Variants in MAP3K9 observed in about 807,000 individuals in gnomAD.
MAP3K9 encodes mitogen-activated protein kinase kinase kinase 9, also known as mixed lineage kinase 1 (tyr and ser/thr specificity).
A neutral mutation model predicts 95.8 loss-of-function variants in MAP3K9; 46 were observed. The observed-to-expected ratio is 0.48, with a 90% CI of 0.38 to 0.61. MAP3K9 has a LOEUF of 0.61. Among genes scored for constraint, MAP3K9 ranks in the 20% least tolerant of loss-of-function variants. MAP3K9 has a pLI of 0.00. For missense variants in MAP3K9, 1,296 were observed against 1,474.3 expected (o/e 0.88, Z 1.98); for synonymous variants, 533 against 593.8 (o/e 0.90, Z 1.49).
chr14:70,730,692 C>T lies in MAP3K9; in HGVS notation c.3003G>A (p.Arg1001=). 1.2e-6 allele frequency: 2 copies of T among 1,613,758 alleles called. No individual in the cohort carries two copies. The highest frequency in any genetic ancestry group is 1.6e-4 in the Middle Eastern group (1 of 6,062). ...CAAACCACCAAGGGTCCAGCCGTTG[C>T]CGGTTGGCAGAAGGACGCGGCCGAG... ...FLPRPRPSAN[R]QRLDPWWFVS... is the part of the protein sequence containing the mutation. Residue 1001 remains arginine (R), a synonymous_variant, in exon 12 of 12, where the codon CGG becomes CGA. Transcript: ENST00000554752.
intron 2 of MAP3K9, among the ~76,000 whole-genome samples, chr14:70,764,531 T>TAA (rs918299925): frequency 6.9e-6 from 1 of 145,398 alleles, no homozygotes; most frequent in Non-Finnish European, 1.5e-5. Context: ...CCAGGCTCTT[T>TAA]AAAAAAAAAA....
At chr14:70,766,542 C>A (rs901841348) in intron 2 of MAP3K9, among the ~76,000 whole-genome samples, 1 of 152,178 alleles carries the variant, frequency 6.6e-6, no homozygotes, top group African/African-American at 2.4e-5. Context: ...AATAATGACA[C>A]CTACTCATTA....
Position 70,735,987 on chromosome 14 carries a change from T to A in MAP3K9, c.1887A>T (p.Pro629=). The change falls in exon 9 of 12, where the codon CCA becomes CCT. Residue 629 remains proline, a synonymous_variant. Transcript: ENST00000554752. ...RREKANGLST[P]SESPHFHLGL... ...CCAAGTGGAAATGTGGAGATTCTGA[T>A]GGGGTACTTAAACCATTAGCTTTCT... is the stretch of plus-strand genomic sequence containing the variant. 6.2e-7 allele frequency: 1 copy of A among 1,613,682 alleles called. No homozygotes were observed. The highest frequency in any genetic ancestry group is 1.3e-5 in the African/African-American group (1 of 75,016).
chr14:70,803,336 T>TCAA (rs1566771064), intron 1 of MAP3K9, among the ~76,000 whole-genome samples: 7 of 66,134 alleles, frequency 1.1e-4, no homozygotes, highest in African/African-American at 4.5e-4. Context: ...AATTCAGATC[T>TCAA]TAAAAAAAAA....
chr14:70,749,911 G>A, intron 4 of MAP3K9, 22 bp downstream of exon 4: 1 of 1,614,092 alleles, frequency 6.2e-7, no homozygotes, highest in Non-Finnish European at 8.5e-7. Context: ...CTCCAGTTTG[G>A]TTCAGGCCAG....
In MAP3K9 at chr14:70,743,827, C is replaced by T. The variant is rs145378328; in HGVS notation, c.1327-1236G>A. Among the ~76,000 whole-genome samples, 968 of 152,264 alleles carry T rather than the reference C, an allele frequency of 6.4e-3. 11 individuals carry two copies. Among genetic ancestry groups the T allele is most frequent in the African/African-American group, 0.021 (880 of 41,546 alleles). ...CCTCAAGGATCTAGAACTAGAAATA[C>T]CATTTGACCCAGCAATCCCATTACT... On this transcript the variant is annotated intron_variant, in intron 5 of 11. Transcript: ENST00000554752.
At chr14:70,747,504 T>C (rs552186783) in intron 5 of MAP3K9, among the ~76,000 whole-genome samples, 1 of 152,360 alleles carries the variant, frequency 6.6e-6, no homozygotes, top group East Asian at 1.9e-4. Flanking sequence ...GGTATGTCTT[T>C]ATTAGCAGCA....
At chr14:70,808,734 C>G (rs1218507000) in intron 1 of MAP3K9, 32 bp downstream of exon 1, 1 of 1,414,370 alleles carries the variant, frequency 7.1e-7, no homozygotes, top group Non-Finnish European at 9.3e-7. Context: ...TCCGTCATTC[C>G]CCCTCCCCGC....
intron 2 of MAP3K9, among the ~76,000 whole-genome samples, chr14:70,796,540 G>A (rs1003128441): frequency 2.6e-5 from 4 of 152,142 alleles, no homozygotes; most frequent in African/African-American, 9.7e-5. Flanking sequence ...TCTCAGCTGG[G>A]TTCAATGACA....
chr14:70,777,424 G>A (rs902493990), intron 2 of MAP3K9, among the ~76,000 whole-genome samples: 1 of 152,176 alleles, frequency 6.6e-6, no homozygotes, highest in East Asian at 1.9e-4. Flanking sequence ...CTGTTCACCA[G>A]CAACCATAGT....
intron 2 of MAP3K9, among the ~76,000 whole-genome samples, chr14:70,784,278 C>A (rs1264532269): frequency 6.6e-6 from 1 of 151,126 alleles, no homozygotes; most frequent in South Asian, 2.1e-4. Context: ...AGCAAAACTC[C>A]GTCTCAAAAC....
intron 1 of MAP3K9, among the ~76,000 whole-genome samples, chr14:70,804,529 CT>C (rs1185838137): frequency 1.3e-5 from 2 of 152,136 alleles, no homozygotes; most frequent in African/African-American, 4.8e-5. Context: ...AAATTTGTAT[CT>C]GTTTTCTTAT....
intron 2 of MAP3K9, among the ~76,000 whole-genome samples, chr14:70,785,551 A>C (rs1462230789): frequency 6.6e-6 from 1 of 152,188 alleles, no homozygotes; most frequent in Admixed American, 6.5e-5. Flanking sequence ...AGATGAAAAA[A>C]TGGGTACGTG....
At chr14:70,807,475 G>C (rs1054876121) in intron 1 of MAP3K9, among the ~76,000 whole-genome samples, 1 of 152,076 alleles carries the variant, frequency 6.6e-6, no homozygotes, top group African/African-American at 2.4e-5. Context: ...GGGAGACAAC[G>C]AGACTGTCTC....
chr14:70,800,779 C>A lies in MAP3K9; in HGVS notation c.708G>T (p.Arg236Ser), dbSNP rs774250345. The A allele has an allele frequency of 6.2e-7, 1 of 1,614,182 alleles. No homozygotes were observed. Among genetic ancestry groups the A allele is most frequent in the Non-Finnish European group, 8.5e-7 (1 of 1,180,030 alleles). Residue 236 changes from arginine to serine, a missense_variant, in exon 2 of 12, where the codon AGG becomes AGT. Physicochemically the swap from Arg to Ser is moderately radical, Grantham distance 110. Transcript: ENST00000554752. ...GPLNRVLSGK[R>S]IPPDILVNWA... Reference sequence around the variant, plus strand: ...AATTCACCAGGATGTCTGGGGGAATCCTTTTCCCAGATAACACTCTATTCA... The same window carrying A: ...AATTCACCAGGATGTCTGGGGGAATACTTTTCCCAGATAACACTCTATTCA...
intron 2 of MAP3K9, among the ~76,000 whole-genome samples, chr14:70,794,666 TTTTTC>T (rs1024703795): frequency 1.2e-3 from 184 of 149,982 alleles, no homozygotes; most frequent in African/African-American, 4.4e-3. Flanking sequence ...TTCCGTTTTC[TTTTTC>T]TTTTCTTTTT....
chr14:70,759,398 T>C (rs1387014341), intron 3 of MAP3K9, among the ~76,000 whole-genome samples: 5 of 152,128 alleles, frequency 3.3e-5, no homozygotes, highest in South Asian at 2.1e-4. Flanking sequence ...GCTGAGATCA[T>C]GCCACTGCAC....
In MAP3K9 at chr14:70,727,143, G is replaced by A. The variant is rs925125882; in HGVS notation, c.*3237C>T. On this transcript the variant is annotated 3_prime_UTR_variant, in exon 12 of 12. Transcript: ENST00000554752. ...AATGATGTCATTTTGCAAAGGTCAGGAGGAAAAGTTAGCACTATTCTGAGT... is the reference window on the plus strand; with the variant it reads ...AATGATGTCATTTTGCAAAGGTCAGAAGGAAAAGTTAGCACTATTCTGAGT... 1.3e-5 allele frequency: 2 copies of A among 152,194 alleles called. No individual in the cohort carries two copies. Among genetic ancestry groups the A allele is most frequent in the South Asian group, 4.1e-4 (2 of 4,826 alleles). The allele number at this position is 152,194 out of a possible 1,614,324, so 9.4% of individuals were successfully genotyped here.
In MAP3K9 at chr14:70,800,956, A is replaced by G. The variant is rs769987149; in HGVS notation, c.531T>C (p.Pro177=). ...CTATGGTCTGGCTGATGTCCTCATC[A>G]GGGTCGTGGCGAGCTGCTTTCACAG... is the stretch of plus-strand genomic sequence containing the variant. The part of the protein sequence containing the change: ...EVAVKAARHD[P]DEDISQTIEN... Residue 177 remains proline (P), a synonymous_variant, in exon 2 of 12, where the codon CCT becomes CCC. Transcript: ENST00000554752. The G allele has an allele frequency of 5.0e-6, 8 of 1,614,180 alleles. No individual in the cohort carries two copies. The South Asian group carries it at 8.8e-5, about 18-fold the overall frequency.
Sources: gnomAD v4.1 joint callset for allele counts (sites outside exome capture counted in the v4.1 genomes callset) on GRCh38, gnomAD v4.1.1 for gene constraint, MANE v1.5 for transcripts, NCBI Gene and HGNC (gene_info 2026-07-23, HGNC 2026-07-21) for gene names.